The following PTCRA variants were observed in gnomAD, a reference collection of about 807,000 sequenced individuals.
The protein encoded by PTCRA is pre T-cell antigen receptor alpha.
In PTCRA, 9 loss-of-function variants were observed where a neutral mutation model predicts 13.4. The ratio of observed to expected loss-of-function variants is 0.67; its 90% CI spans 0.41 to 1.18. PTCRA has a LOEUF of 1.18. PTCRA is among the 50% of genes most tolerant of loss of function. The pLI is 0.01. For synonymous variants in PTCRA, 153 were observed against 161.9 expected (o/e 0.94, Z 0.42); for missense variants, 353 against 359.8 (o/e 0.98, Z 0.15).
chr6:42,920,611 G>C (rs542626397), intron 1 of PTCRA, among the ~76,000 whole-genome samples: 174 of 151,828 alleles, frequency 1.1e-3, no homozygotes, highest in African/African-American at 3.9e-3. Flanking sequence ...ATTTTTAGTA[G>C]AGACGGGGTT....
rs144125571 is a variant in PTCRA, at chr6:42,925,129, C to G, written c.425-132C>G. ...ACCAGTAAGAACGGAGGCTAGACAC[C>G]GGGAAGGACTTTCCCTGGAGGAGGG... On this transcript the variant is annotated intron_variant, in intron 3 of 3. Transcript: ENST00000304672. The surrounding 1 kb of genome is among the most constrained non-coding windows in gnomAD (Gnocchi z 4.4). The G allele has an allele frequency of 2.3e-5, 28 of 1,229,898 alleles. No individual in the cohort carries two copies. In the East Asian group the frequency reaches 7.2e-4, roughly 31 times the overall value. 76.2% of individuals were successfully genotyped at this position (1,229,898 alleles called of 1,614,324 possible).
At chr6:42,922,084 A>C (rs1767196788) in intron 1 of PTCRA, 2 of 585,922 alleles carry the variant, frequency 3.4e-6, no homozygotes, top group Admixed American at 6.3e-5. Flanking sequence ...GGCTGAGAAT[A>C]AAAGAAAAAA....
In PTCRA at chr6:42,923,334, C is replaced by T. The variant is rs1413975124; in HGVS notation, c.366C>T (p.Pro122=). 1.2e-6 allele frequency: 2 copies of T among 1,614,036 alleles called. No homozygotes were observed. Among genetic ancestry groups the T allele is most frequent in the African/African-American group, 2.7e-5 (2 of 75,060 alleles). The change falls in exon 2 of 4, where the codon CCC becomes CCT. Residue 122 remains proline, a synonymous_variant. Transcript: ENST00000304672. ...AGGGTCACAGCAGGAGTACACAGCC[C>T]ATGCATCTGTCAGGTGGGGATGGAG... ...GAEGHSRSTQ[P]MHLSGEASTA...
In PTCRA at chr6:42,925,528, G is replaced by T; in HGVS notation, c.692G>T (p.Ser231Ile). The change falls in exon 4 of 4, where the codon AGC (serine) becomes ATC (isoleucine). Residue 231 changes from serine to isoleucine, a missense_variant. Ser to Ile is a moderately radical substitution (Grantham distance 142, BLOSUM62 -2). Coordinates refer to ENST00000304672, the MANE Select transcript of PTCRA (RefSeq NM_138296.3). The surrounding 1 kb of genome is among the most constrained non-coding windows in gnomAD (Gnocchi z 4.4). ...ACCCCTCCGGGTCGGAAGCCCGGGA[G>T]CCCAGTATGGGGGGAAGGGTCTTAC... The part of the protein sequence containing the change: ...GDTPPGRKPG[S>I]PVWGEGSYLS... The T allele has an allele frequency of 6.3e-7, 1 of 1,584,354 alleles. No homozygotes were observed. The highest frequency in any genetic ancestry group is 8.6e-7 in the Non-Finnish European group (1 of 1,164,152).
intron 3 of PTCRA, among the ~76,000 whole-genome samples, chr6:42,924,893 C>T (rs1767349985): frequency 6.6e-6 from 1 of 151,838 alleles, no homozygotes; most frequent in African/African-American, 2.4e-5. Flanking sequence ...ATCACTTGAA[C>T]CCGGGAGGTG....
chr6:42,917,134 C>T (rs1766906268), intron 1 of PTCRA, among the ~76,000 whole-genome samples: 1 of 151,500 alleles, frequency 6.6e-6, no homozygotes, highest in East Asian at 1.9e-4. Flanking sequence ...GCATTTTACA[C>T]TTATGGCCTT....
In PTCRA at chr6:42,925,038, C is replaced by T. The variant is rs148719769; in HGVS notation, c.425-223C>T. 1.1e-3 allele frequency among the ~76,000 whole-genome samples: 175 copies of T among 152,182 alleles called. No individual in the cohort carries two copies. Among genetic ancestry groups the T allele is most frequent in the Middle Eastern group, 3.4e-3 (1 of 294 alleles). On this transcript the variant is annotated intron_variant, in intron 3 of 3. Transcript: ENST00000304672. The surrounding 1 kb of genome is among the most constrained non-coding windows in gnomAD (Gnocchi z 4.4). ...GATGCTAATTAATTCCTGCGTGGCC[C>T]CCACCCCTACCCCCATGATTGTTGG...
chr6:42,920,798 T>C (rs1004507969), intron 1 of PTCRA, among the ~76,000 whole-genome samples: 5 of 150,294 alleles, frequency 3.3e-5, no homozygotes, highest in African/African-American at 1.2e-4. Flanking sequence ...ATGTGGACTA[T>C]ATCTAAACAA....
At chr6:42,921,675 C>G (rs1431696192) in intron 1 of PTCRA, among the ~76,000 whole-genome samples, 2 of 146,410 alleles carry the variant, frequency 1.4e-5, no homozygotes, top group Admixed American at 6.8e-5. Context: ...CTTGGCCTCC[C>G]GAAGTGCTGG....
chr6:42,920,555 A>G (rs1194709174), intron 1 of PTCRA, among the ~76,000 whole-genome samples: 1 of 148,776 alleles, frequency 6.7e-6, no homozygotes, highest in Non-Finnish European at 1.5e-5. Flanking sequence ...CTCCCGAGTA[A>G]ATGGGACTAC....
chr6:42,925,352 G>A lies in PTCRA; in HGVS notation c.516G>A (p.Leu172=), dbSNP rs760979735. 10 of 1,565,158 alleles carry A rather than the reference G, an allele frequency of 6.4e-6. No homozygotes were observed. Among genetic ancestry groups the A allele is most frequent in the Admixed American group, 5.6e-5 (3 of 53,850 alleles). Residue 172 remains leucine, a synonymous_variant, in exon 4 of 4, where the codon CTG becomes CTA. Coordinates refer to ENST00000304672, the MANE Select transcript of PTCRA (RefSeq NM_138296.3). This position sits in a 1 kb window ranked among gnomAD's most constrained non-coding sequence, Gnocchi z 4.4. ...ACCTGCTCCTGACCTGCAGCTGCCT[G>A]TGCGACCCCGCGGGCCCGCTGCCTT... ...LFDLLLTCSC[L]CDPAGPLPSP... is the part of the protein sequence containing the mutation.
intron 1 of PTCRA, among the ~76,000 whole-genome samples, chr6:42,916,422 G>A (rs191451747): frequency 7.2e-5 from 11 of 152,294 alleles, no homozygotes; most frequent in Non-Finnish European, 1.6e-4. Context: ...CCTCTTAGAG[G>A]TATAGAGAAA....
intron 1 of PTCRA, among the ~76,000 whole-genome samples, chr6:42,920,171 T>G (rs931918891): frequency 4.0e-5 from 6 of 151,324 alleles, no homozygotes; most frequent in Non-Finnish European, 8.8e-5. Flanking sequence ...ATATAAACAA[T>G]TAGCCAGGCG....
At chr6:42,922,235 T>G in intron 1 of PTCRA, 1 of 702,790 alleles carries the variant, frequency 1.4e-6, no homozygotes, top group East Asian at 2.7e-5. Context: ...TTCCTTCCCT[T>G]CCTCACCAGA....
chr6:42,920,306 A>T (rs1337631813), intron 1 of PTCRA, among the ~76,000 whole-genome samples: 4 of 151,542 alleles, frequency 2.6e-5, no homozygotes, highest in Non-Finnish European at 5.9e-5. Context: ...GGCGACAGAG[A>T]GAGACTCCGT....
In PTCRA at chr6:42,924,284, C is replaced by G; in HGVS notation, c.424+11C>G. ...AGGAGCCTCTCAGGGGTGAGTACTC[C>G]GGGCAAGGGGTGGGGAATAAGAGGC... On this transcript the variant is annotated intron_variant, in intron 3 of 3. Transcript: ENST00000304672. The G allele has an allele frequency of 6.2e-7, 1 of 1,611,506 alleles. No individual in the cohort carries two copies. The highest frequency in any genetic ancestry group is 8.5e-7 in the Non-Finnish European group (1 of 1,178,774).
rs760254872 is a variant in PTCRA at position 42,923,046 on chromosome 6, TC to T, written c.80del (p.Pro27LeufsTer141). 6.2e-7 allele frequency: 1 copy of T among 1,614,192 alleles called. No homozygotes were observed. Among genetic ancestry groups the T allele is most frequent in the Admixed American group, 1.7e-5 (1 of 60,014 alleles). On this transcript the variant is annotated frameshift_variant, in exon 2 of 4. Coordinates refer to ENST00000304672, the MANE Select transcript of PTCRA (RefSeq NM_138296.3). LOFTEE classifies it high-confidence loss of function. ...LPTGVGGTPF[P>X]SLAPPIMLLV... ...TTGCAGGTGTGGGCGGCACACCCTT[TC>T]CTTCTCTGGCCCCACCAATCATGCT...
chr6:42,919,538 A>T (rs1263374219), intron 1 of PTCRA, among the ~76,000 whole-genome samples: 1 of 150,540 alleles, frequency 6.6e-6, no homozygotes, highest in Non-Finnish European at 1.5e-5. Flanking sequence ...ACATAGTGAA[A>T]CCCTATTTCT....
chr6:42,919,959 C>T (rs1767067322), intron 1 of PTCRA, among the ~76,000 whole-genome samples: 1 of 150,692 alleles, frequency 6.6e-6, no homozygotes, highest in Non-Finnish European at 1.5e-5. Context: ...GAGGTCAAGG[C>T]TCCAGTGAAC....
Sources: allele counts gnomAD v4.1 joint callset (sites outside exome capture counted in the v4.1 genomes callset), GRCh38; gene constraint gnomAD v4.1.1; non-coding constraint Gnocchi (gnomAD v3.1); transcripts MANE v1.5; gene names NCBI Gene and HGNC (gene_info 2026-07-23, HGNC 2026-07-21).